The following AUTS2 variants were observed in gnomAD, a reference collection of about 807,000 sequenced individuals.
AUTS2 encodes the protein autism susceptibility gene 2 protein.
AUTS2 carries 17 observed loss-of-function variants against 112.4 expected under a neutral mutation model. The ratio of observed to expected loss-of-function variants is 0.15; its 90% CI spans 0.10 to 0.23. AUTS2 has a LOEUF of 0.23. AUTS2 is among the 10% of genes least tolerant of loss of function. The pLI, the probability that AUTS2 is intolerant of heterozygous loss-of-function variation, is 1.00. For synonymous variants in AUTS2, 751 were observed against 702.7 expected, an observed-to-expected ratio of 1.07 and a Z score of -1.09; for missense variants, 1,510 against 1,701.6, an observed-to-expected ratio of 0.89 and a Z score of 1.98.
intron 1 of AUTS2, among the ~76,000 whole-genome samples, chr7:69,659,583 G>GT (rs58289887): frequency 0.013 from 1,084 of 81,276 alleles, 85 homozygotes; most frequent in African/African-American, 0.032. Context: ...AGGCTTAGTT[G>GT]TTTTTTTTTT....
chr7:70,497,290 C>A (rs1315053891), intron 5 of AUTS2, among the ~76,000 whole-genome samples: 1 of 151,870 alleles, frequency 6.6e-6, no homozygotes, highest in Non-Finnish European at 1.5e-5. Flanking sequence ...CACACATGCA[C>A]ACGTCACATC....
chr7:70,131,803 A>C (rs1806286860), intron 3 of AUTS2, among the ~76,000 whole-genome samples: 2 of 152,088 alleles, frequency 1.3e-5, no homozygotes. Context: ...TGTGAGCCTC[A>C]GCTAAAGTCT....
intron 4 of AUTS2, among the ~76,000 whole-genome samples, chr7:70,414,900 G>C (rs768318450): frequency 3.3e-5 from 5 of 152,182 alleles, no homozygotes; most frequent in Admixed American, 6.5e-5. Flanking sequence ...TTACAGCCTG[G>C]AACAGAGGGT....
At chr7:69,791,326 C>T (rs529064918) in intron 1 of AUTS2, among the ~76,000 whole-genome samples, 3 of 152,220 alleles carry the variant, frequency 2.0e-5, no homozygotes, top group South Asian at 2.1e-4. Context: ...ATGATTACAG[C>T]GACAATGCTG....
At chr7:70,102,594 G>A (rs1463139191) in intron 2 of AUTS2, among the ~76,000 whole-genome samples, 2 of 151,870 alleles carry the variant, frequency 1.3e-5, no homozygotes, top group Non-Finnish European at 2.9e-5. Context: ...ATTTAGCAGA[G>A]CTTTTTAAAT....
chr7:70,347,170 TCTTA>T lies in AUTS2; in HGVS notation c.661-88576_661-88573del, dbSNP rs543338228. On this transcript the variant is annotated intron_variant, in intron 4 of 18. Coordinates refer to ENST00000342771, the MANE Select transcript of AUTS2 (RefSeq NM_015570.4). ...CTTTCCTCTATCCCCTGCAATCACT[TCTTA>T]CTTACCTGAAACTTACTTCTTGTAT... 1.4e-3 allele frequency among the ~76,000 whole-genome samples: 220 copies of T among 152,268 alleles called. 2 individuals are homozygous for T. Among genetic ancestry groups the T allele is most frequent in the Non-Finnish European group, 2.6e-4 (18 of 68,000 alleles).
chr7:70,015,686 C>T (rs1054427308), intron 2 of AUTS2, among the ~76,000 whole-genome samples: 1 of 152,024 alleles, frequency 6.6e-6, no homozygotes, highest in Non-Finnish European at 1.5e-5. Context: ...AAATTTCATT[C>T]TTGAATGAAT....
intron 1 of AUTS2, among the ~76,000 whole-genome samples, chr7:69,669,807 C>T (rs960862953): frequency 4.0e-5 from 6 of 151,868 alleles, no homozygotes; most frequent in East Asian, 3.9e-4. Context: ...TCTTCATACT[C>T]GATTGTTCTC....
At chr7:70,191,476 A>C (rs917461741) in intron 4 of AUTS2, among the ~76,000 whole-genome samples, 1 of 152,036 alleles carries the variant, frequency 6.6e-6, no homozygotes, top group Non-Finnish European at 1.5e-5. Context: ...CAGCCCACTT[A>C]TTTCTTAATG....
intron 1 of AUTS2, among the ~76,000 whole-genome samples, chr7:69,798,796 G>T (rs1010341600): frequency 2.0e-5 from 3 of 151,952 alleles, no homozygotes; most frequent in Admixed American, 6.6e-5. Context: ...TTTGAGATCA[G>T]CCTGGACAAC....
intron 1 of AUTS2, among the ~76,000 whole-genome samples, chr7:69,814,269 A>G (rs745443144): frequency 5.3e-5 from 8 of 152,174 alleles, no homozygotes; most frequent in African/African-American, 9.7e-5. Context: ...TTGTTTTCCT[A>G]TGTTCCTTAT....
chr7:69,682,206 A>G (rs555158750), intron 1 of AUTS2, among the ~76,000 whole-genome samples: 2 of 152,196 alleles, frequency 1.3e-5, no homozygotes, highest in East Asian at 1.9e-4. Context: ...TGAAGATACT[A>G]TTTCCTGTAA....
chr7:69,629,755 C>G (rs1362406629), intron 1 of AUTS2, among the ~76,000 whole-genome samples: 1 of 151,986 alleles, frequency 6.6e-6, no homozygotes, highest in Non-Finnish European at 1.5e-5. Flanking sequence ...GTGGTGTTCA[C>G]CTTGTATAAT....
rs573687454 is a variant in AUTS2, at chr7:70,273,672, G to A, written c.660+139101G>A. 3.9e-5 allele frequency among the ~76,000 whole-genome samples: 6 copies of A among 152,152 alleles called. No homozygotes were observed. The East Asian group carries it at 1.2e-3, about 29-fold the overall frequency. ...TGGTATACTGAGGGAATTGGTTCCA[G>A]TACCCCCTCACCTTCACCCCCATAT... On this transcript the variant is annotated intron_variant, in intron 4 of 18. Transcript: ENST00000342771.
intron 6 of AUTS2, among the ~76,000 whole-genome samples, chr7:70,726,740 A>AT (rs1787056660): frequency 6.6e-6 from 1 of 152,192 alleles, no homozygotes; most frequent in Non-Finnish European, 1.5e-5. Flanking sequence ...AGAGGATCAT[A>AT]TTGTCAAGTC....
chr7:70,060,428 AC>A (rs1445621554), intron 2 of AUTS2, among the ~76,000 whole-genome samples: 2 of 152,198 alleles, frequency 1.3e-5, no homozygotes, highest in Non-Finnish European at 2.9e-5. Flanking sequence ...GTTAGACTCT[AC>A]CCCAGAAGTC....
intron 5 of AUTS2, among the ~76,000 whole-genome samples, chr7:70,452,437 C>T (rs904319666): frequency 3.3e-5 from 5 of 152,046 alleles, no homozygotes; most frequent in Admixed American, 6.6e-5. Context: ...CCAGTCTGGG[C>T]GACAGAGCAA....
intron 5 of AUTS2, among the ~76,000 whole-genome samples, chr7:70,562,776 C>T (rs1012095782): frequency 3.3e-5 from 5 of 152,148 alleles, no homozygotes; most frequent in Non-Finnish European, 5.9e-5. Flanking sequence ...TGAAGCCATG[C>T]GTTATGAAGA....
Position 70,288,746 on chromosome 7 carries a change from A to T in AUTS2, c.661-147006A>T, listed in dbSNP as rs1314539427. Among the ~76,000 whole-genome samples the T allele has an allele frequency of 3.9e-5, 6 of 152,308 alleles. No individual in the cohort carries two copies. The East Asian group carries it at 1.2e-3, about 29-fold the overall frequency. On this transcript the variant is annotated intron_variant, in intron 4 of 18. Coordinates refer to ENST00000342771, the MANE Select transcript of AUTS2 (RefSeq NM_015570.4). ...GACAAATGGAAGAACAATGAGATAG[A>T]GAGGCCTGAATGGTAGAAAAATTCT...
Sources: gnomAD v4.1 joint callset for allele counts (sites outside exome capture counted in the v4.1 genomes callset) on GRCh38, gnomAD v4.1.1 for gene constraint, MANE v1.5 for transcripts, NCBI Gene and HGNC (gene_info 2026-07-23, HGNC 2026-07-21) for gene names.